Variants in ANK1 observed in about 807,000 individuals in gnomAD.
ANK1 encodes ankyrin-1.
In ANK1, 51 loss-of-function variants were observed where a neutral mutation model predicts 210.4. That is an observed-to-expected ratio of 0.24 (90% CI 0.19 to 0.31). The LOEUF (loss-of-function observed/expected upper bound fraction) is 0.31, where lower values mean the gene tolerates loss of function less well. ANK1 is among the 10% of genes least tolerant of loss of function. The pLI is 1.00. For synonymous variants in ANK1, 967 were observed against 1,025.9 expected (o/e 0.94, Z 1.10); for missense variants, 2,051 against 2,504.4 (o/e 0.82, Z 3.86).
At position 41,695,190 on chromosome 8, in the gene ANK1, G is replaced by T. The variant is rs145169484; in HGVS notation, c.3102C>A (p.Asn1034Lys). 1.2e-6 allele frequency: 2 copies of T among 1,614,150 alleles called. No individual in the cohort carries two copies. The highest frequency in any genetic ancestry group is 1.7e-5 in the Admixed American group (1 of 60,034). The change falls in exon 27 of 43, where the codon AAC (asparagine) becomes AAA (lysine). Residue 1034 changes from asparagine to lysine, a missense_variant. Physicochemically the swap from Asn to Lys is moderately conservative, Grantham distance 94. This residue lies in a region of ANK1 where 1,413 missense variants were observed against 1,707.4 expected (regional missense o/e 0.83). Transcript: ENST00000289734. ...CCCCGCCCCTACCTTCGTCCATCCC[G>T]TTGAGGATCTGATCCAGGTAGCTCT... ...YGESYLDQIL[N>K]GMDEELGSLE...
At chr8:41,767,238 G>A (rs900777456) in intron 1 of ANK1, among the ~76,000 whole-genome samples, 2 of 151,938 alleles carry the variant, frequency 1.3e-5, no homozygotes, top group African/African-American at 4.8e-5. Flanking sequence ...AGCCGGGCGC[G>A]GAGCCACAAC....
At chr8:41,707,145 C>T (rs76699031) in intron 17 of ANK1, among the ~76,000 whole-genome samples, 32,056 of 152,174 alleles carry the variant, frequency 0.21, 4,348 homozygotes, top group South Asian at 0.31. Flanking sequence ...ACTGCACAGC[C>T]AGTGCTGGCA....
intron 1 of ANK1, chr8:41,828,573 C>T (rs1351177235): frequency 1.3e-5 from 2 of 154,226 alleles, no homozygotes; most frequent in Non-Finnish European, 2.9e-5. Context: ...CTGTTTATTA[C>T]TCTGTGGGGA....
At chr8:41,816,177 T>G (rs1413868865) in intron 1 of ANK1, among the ~76,000 whole-genome samples, 1 of 152,236 alleles carries the variant, frequency 6.6e-6, no homozygotes, top group African/African-American at 2.4e-5. Context: ...TCACGCTATT[T>G]CCATTAACTA....
intron 39 of ANK1, among the ~76,000 whole-genome samples, chr8:41,667,113 T>A (rs1033645720): frequency 6.6e-6 from 1 of 152,196 alleles, no homozygotes; most frequent in African/African-American, 2.4e-5. Context: ...GAGGGCCTGA[T>A]GGAAGAAACG....
intron 1 of ANK1, among the ~76,000 whole-genome samples, chr8:41,763,787 C>T (rs894432965): frequency 1.3e-5 from 2 of 151,676 alleles, no homozygotes; most frequent in African/African-American, 4.8e-5. Flanking sequence ...AAATTGAGGC[C>T]CAGGGAAGTA....
intron 1 of ANK1, chr8:41,828,845 C>T (rs13265366): frequency 0.14 from 22,054 of 152,240 alleles, 1,771 homozygotes; most frequent in African/African-American, 0.19. Flanking sequence ...TGGGAGGCTG[C>T]GCCTTCTTCC....
chr8:41,692,114 C>T (rs1260778996), intron 31 of ANK1, among the ~76,000 whole-genome samples: 2 of 151,484 alleles, frequency 1.3e-5, no homozygotes, highest in Non-Finnish European at 2.9e-5. Context: ...TGGAGGGCAA[C>T]AGTGCGATCT....
intron 1 of ANK1, among the ~76,000 whole-genome samples, chr8:41,857,312 T>C (rs1400876554): frequency 4.6e-5 from 7 of 151,444 alleles, no homozygotes; most frequent in Non-Finnish European, 7.4e-5. Context: ...AAAATCCATC[T>C]AGTGGCCGGG....
chr8:41,786,404 G>A (rs189632105), intron 1 of ANK1, among the ~76,000 whole-genome samples: 2 of 152,178 alleles, frequency 1.3e-5, no homozygotes, highest in African/African-American at 4.8e-5. Context: ...TATTGGTAAA[G>A]AAATAAACAA....
chr8:41,837,403 G>A (rs34966146), intron 1 of ANK1, among the ~76,000 whole-genome samples: 47,097 of 152,074 alleles, frequency 0.31, 8,678 homozygotes, highest in East Asian at 0.76. Context: ...CAGGAGTTGG[G>A]GGGGAAACAC....
At chr8:41,819,739 C>T (rs1368785573) in intron 1 of ANK1, among the ~76,000 whole-genome samples, 1 of 152,228 alleles carries the variant, frequency 6.6e-6, no homozygotes, top group East Asian at 1.9e-4. Context: ...GCCTACTTCA[C>T]TGGCCTCCTG....
chr8:41,837,749 T>C (rs1808045132), intron 1 of ANK1, among the ~76,000 whole-genome samples: 1 of 152,030 alleles, frequency 6.6e-6, no homozygotes. Flanking sequence ...CAGGCACCTG[T>C]AATCCCAGCT....
At chr8:41,772,712 T>C (rs1170501073) in intron 1 of ANK1, among the ~76,000 whole-genome samples, 1 of 152,224 alleles carries the variant, frequency 6.6e-6, no homozygotes, top group African/African-American at 2.4e-5. Context: ...ACGCTCCCTG[T>C]CCGCAGCTGC....
intron 2 of ANK1, among the ~76,000 whole-genome samples, chr8:41,735,758 A>G (rs2150675903): frequency 6.6e-6 from 1 of 152,338 alleles, no homozygotes; most frequent in African/African-American, 2.4e-5. Context: ...AAAGTCACCC[A>G]AAGTCATGAT....
Position 41,655,400 on chromosome 8 carries a change from A to T in ANK1, c.*390T>A, listed in dbSNP as rs926771439. 12 of 307,758 alleles carry T rather than the reference A, an allele frequency of 3.9e-5. No individual in the cohort carries two copies. The highest frequency in any genetic ancestry group is 6.6e-5 in the Non-Finnish European group (11 of 167,304). 19.1% of individuals were successfully genotyped at this position (307,758 alleles called of 1,614,324 possible). A position where few individuals can be genotyped will look rare whatever the true frequency, so the allele number is the denominator to read the frequency against. On this transcript the variant is annotated 3_prime_UTR_variant, in exon 43 of 43. Transcript: ENST00000289734. ...GTACGAAGTCAAAACAATTTAAAAA[A>T]AAAACCCCAAAACCAAAACCCATCC...
intron 36 of ANK1, among the ~76,000 whole-genome samples, chr8:41,685,933 TC>T (rs1488616458): frequency 6.6e-6 from 1 of 152,200 alleles, no homozygotes; most frequent in Non-Finnish European, 1.5e-5. Context: ...TTTATCTTAT[TC>T]CAAGGATGTG....
rs2150592141 is a variant in ANK1, at chr8:41,693,978, A to G, written c.3452T>C (p.Leu1151Pro). Residue 1151 changes from leucine to proline, a missense_variant, in exon 29 of 43, where the codon CTA (leucine) becomes CCA (proline). By Grantham distance (98) the Leu-to-Pro change is moderately conservative. This residue lies in a region of ANK1 where 1,413 missense variants were observed against 1,707.4 expected (regional missense o/e 0.83). Transcript: ENST00000289734. ...FHRPIGLRIP[L>P]PPSWTDNPRD... Reference sequence around the variant, plus strand: ...CGGGTTGTCGGTCCAGGAAGGAGGTAGTGGGATCCGAAGCCCAATGGGGCG... The same window carrying G: ...CGGGTTGTCGGTCCAGGAAGGAGGTGGTGGGATCCGAAGCCCAATGGGGCG... 6.2e-7 allele frequency: 1 copy of G among 1,614,074 alleles called. No individual in the cohort carries two copies. Among genetic ancestry groups the G allele is most frequent in the Non-Finnish European group, 8.5e-7 (1 of 1,180,006 alleles).
At chr8:41,896,215 G>A (rs1820497602) in intron 1 of ANK1, 15 of 1,250,380 alleles carry the variant, frequency 1.2e-5, no homozygotes, top group East Asian at 3.2e-5. Flanking sequence ...TACGCCCACC[G>A]AGCCTTCCCC....
Sources: gnomAD v4.1 joint callset for allele counts (sites outside exome capture counted in the v4.1 genomes callset) on GRCh38, gnomAD v4.1.1 for gene constraint, gnomAD v4.1.1 regional missense constraint, MANE v1.5 for transcripts, NCBI Gene and HGNC (gene_info 2026-07-23, HGNC 2026-07-21) for gene names.